Variants in CEP164 observed in about 807,000 individuals in gnomAD.
CEP164 encodes the protein centrosomal protein 164.
A neutral mutation model predicts 182.7 loss-of-function variants in CEP164; 162 were observed. The observed-to-expected ratio is 0.89, with a 90% CI of 0.78 to 1.01. CEP164 has a LOEUF of 1.01. Ranked by LOEUF, CEP164 falls within the 50% of genes least tolerant of loss-of-function variation. CEP164 has a pLI of 0.00. For missense variants in CEP164, 1,735 were observed against 1,790.4 expected (o/e 0.97, Z 0.56); for synonymous variants, 661 against 690.0 (o/e 0.96, Z 0.66).
intron 28 of CEP164, chr11:117,408,420 A>G (rs963836647): frequency 4.3e-6 from 1 of 232,024 alleles, no homozygotes; most frequent in Admixed American, 5.0e-5. Flanking sequence ...TCTGAGGCTT[A>G]GGTGTAGCGG....
intron 19 of CEP164, 49 bp from the exon 20 acceptor site, chr11:117,392,954 GC>G (rs779032409): frequency 1.9e-5 from 30 of 1,608,186 alleles, no homozygotes; most frequent in Non-Finnish European, 1.5e-5. Context: ...GGCCCTGAGT[GC>G]TGGTCCGCCT....
chr11:117,359,712 T>C (rs1033281020), intron 5 of CEP164, among the ~76,000 whole-genome samples: 3 of 152,222 alleles, frequency 2.0e-5, no homozygotes, highest in African/African-American at 7.2e-5. Context: ...TCTTTGTAAA[T>C]TGTCACCAGA....
chr11:117,337,846 G>A (rs570433683), intron 2 of CEP164, among the ~76,000 whole-genome samples: 3 of 152,140 alleles, frequency 2.0e-5, no homozygotes, highest in Admixed American at 6.6e-5. Context: ...AGGACAGGGT[G>A]GAGGCTCTTT....
intron 1 of CEP164, among the ~76,000 whole-genome samples, chr11:117,331,743 C>T (rs1474154942): frequency 7.0e-6 from 1 of 142,044 alleles, no homozygotes; most frequent in Non-Finnish European, 1.5e-5. Context: ...TCTGAGATTG[C>T]TGGTGTATTT....
intron 1 of CEP164, among the ~76,000 whole-genome samples, chr11:117,330,705 T>G (rs915153649): frequency 6.6e-6 from 1 of 152,212 alleles, no homozygotes; most frequent in African/African-American, 2.4e-5. Context: ...TTAACTTATA[T>G]TGCCTGGTGC....
At chr11:117,395,513 C>A in intron 23 of CEP164, 34 bp from the exon 24 acceptor site, 4 of 1,585,062 alleles carry the variant, frequency 2.5e-6, no homozygotes, top group Non-Finnish European at 3.4e-6. Context: ...TCTGTGCTGT[C>A]TCTGGGTGCT....
intron 27 of CEP164, 98 bp downstream of exon 27, chr11:117,397,411 G>A (rs1027928489): frequency 2.6e-5 from 31 of 1,201,930 alleles, no homozygotes; most frequent in African/African-American, 9.2e-5. Context: ...GGTCATTCTC[G>A]GGACTCCATG....
chr11:117,382,012 A>T, intron 13 of CEP164, 144 bp downstream of exon 13: 1 of 563,066 alleles, frequency 1.8e-6, no homozygotes, highest in Non-Finnish European at 2.9e-6. Context: ...TTGTAGCCTC[A>T]GCAGCAGCAG....
At chr11:117,391,632 G>T (rs931208197) in intron 17 of CEP164, among the ~76,000 whole-genome samples, 1 of 152,172 alleles carries the variant, frequency 6.6e-6, no homozygotes, top group Non-Finnish European at 1.5e-5. Context: ...CTGAGGGACA[G>T]CTGCAAGGGC....
chr11:117,345,784 G>A (rs553181332), intron 4 of CEP164, among the ~76,000 whole-genome samples: 4 of 151,840 alleles, frequency 2.6e-5, no homozygotes, highest in African/African-American at 7.3e-5. Flanking sequence ...CCTCCCGGAG[G>A]TGGAGCGATT....
chr11:117,339,446 A>G (rs2037735090), intron 3 of CEP164, among the ~76,000 whole-genome samples: 1 of 151,952 alleles, frequency 6.6e-6, no homozygotes, highest in Non-Finnish European at 1.5e-5. Context: ...AACAATAACA[A>G]CATAACTTAT....
intron 8 of CEP164, among the ~76,000 whole-genome samples, chr11:117,369,229 A>C (rs1169554704): frequency 6.6e-6 from 1 of 152,232 alleles, no homozygotes; most frequent in Non-Finnish European, 1.5e-5. Context: ...TGCCAGTCAC[A>C]ACTCTGAGTT....
intron 9 of CEP164, among the ~76,000 whole-genome samples, chr11:117,371,795 C>CTTTT (rs34338708): frequency 1.3e-4 from 18 of 138,344 alleles, no homozygotes; most frequent in South Asian, 2.3e-4. Context: ...CCCTCTTGTA[C>CTTTT]TTTTTTTTTT....
At chr11:117,351,761 A>G in intron 4 of CEP164, 29 bp from the exon 5 acceptor site, 1 of 1,586,518 alleles carries the variant, frequency 6.3e-7, no homozygotes, top group African/African-American at 1.4e-5. Flanking sequence ...CTGAGCAGGG[A>G]CTAACTTCTG....
chr11:117,337,476 C>G (rs2037353560), intron 2 of CEP164, among the ~76,000 whole-genome samples: 1 of 142,492 alleles, frequency 7.0e-6, no homozygotes, highest in Non-Finnish European at 1.5e-5. Flanking sequence ...GAGTTCAAGA[C>G]CAGCCAGGGC....
chr11:117,379,124 G>A (rs1479602675), intron 11 of CEP164, among the ~76,000 whole-genome samples: 1 of 152,198 alleles, frequency 6.6e-6, no homozygotes, highest in Non-Finnish European at 1.5e-5. Flanking sequence ...GAAAGGCTGC[G>A]TGCCCTGCCA....
At chr11:117,391,291 G>T in intron 17 of CEP164, 76 bp downstream of exon 17, 1 of 1,417,482 alleles carries the variant, frequency 7.1e-7, no homozygotes, top group Non-Finnish European at 9.7e-7. Flanking sequence ...TGCACAAGGA[G>T]AAGAAGGGCA....
At chr11:117,362,316 T>C (rs543684120) in intron 6 of CEP164, 88 bp from the exon 7 acceptor site, 918 of 1,404,406 alleles carry the variant, frequency 6.5e-4, no homozygotes, top group Non-Finnish European at 8.4e-4. Flanking sequence ...CTGGGAGACA[T>C]TGACATAGAG....
chr11:117,326,272 G>T (rs960051366), upstream of CEP164, among the ~76,000 whole-genome samples: 2 of 151,704 alleles, frequency 1.3e-5, no homozygotes, highest in African/African-American at 4.8e-5. Flanking sequence ...CACCCAGGCT[G>T]GACTGGAGTG....
Sources: gnomAD v4.1 joint callset for allele counts (sites outside exome capture counted in the v4.1 genomes callset) on GRCh38, gnomAD v4.1.1 for gene constraint, MANE v1.5 for transcripts, NCBI Gene and HGNC (gene_info 2026-07-23, HGNC 2026-07-21) for gene names.